Variants in RCOR3 observed in about 807,000 individuals in gnomAD.
RCOR3 encodes the protein REST corepressor 3.
Under a neutral mutation model 64.1 loss-of-function variants are expected in RCOR3, and 13 were observed. The observed-to-expected ratio is 0.20, with a 90% CI of 0.13 to 0.32. The LOEUF (loss-of-function observed/expected upper bound fraction) is 0.32, where lower values mean the gene tolerates loss of function less well. RCOR3 is among the 10% of genes least tolerant of loss of function. The pLI, the probability that RCOR3 is intolerant of heterozygous loss-of-function variation, is 1.00. For synonymous variants in RCOR3, 215 were observed against 239.0 expected, an observed-to-expected ratio of 0.90 and a Z score of 0.93; for missense variants, 489 against 701.2, an observed-to-expected ratio of 0.70 and a Z score of 3.42.
rs575995825 is a variant in RCOR3 at position 211,283,166 on chromosome 1, G to C, written c.720+3850G>C. The stretch of plus-strand genomic sequence containing the variant: ...GTCTGAGAGTTCCTTTGGTACAATA[G>C]TTCTCAGCTAGGTTTAGCACTGACC... On this transcript the variant is annotated intron_variant, in intron 7 of 11. Coordinates refer to ENST00000419091, the MANE Select transcript of RCOR3 (RefSeq NM_001136223.3). Among the ~76,000 whole-genome samples, 490 of 152,316 alleles carry C rather than the reference G, an allele frequency of 3.2e-3. 10 individuals are homozygous for C. Among genetic ancestry groups the C allele is most frequent in the Non-Finnish European group, 4.3e-3 (295 of 68,026 alleles).
intron 2 of RCOR3, among the ~76,000 whole-genome samples, chr1:211,264,956 C>A (rs1039919845): frequency 6.6e-6 from 1 of 152,154 alleles, no homozygotes; most frequent in Non-Finnish European, 1.5e-5. Context: ...TGCCTTTAAT[C>A]TAATATGGCA....
At chr1:211,278,041 A>T in intron 5 of RCOR3, 76 bp from the exon 6 acceptor site, 5 of 1,278,122 alleles carry the variant, frequency 3.9e-6, no homozygotes, top group African/African-American at 1.7e-5. Context: ...CCTTTACTAA[A>T]TAGTAAAGAT....
intron 3 of RCOR3, among the ~76,000 whole-genome samples, chr1:211,273,411 T>C (rs914505421): frequency 1.3e-5 from 2 of 152,198 alleles, no homozygotes; most frequent in African/African-American, 4.8e-5. Context: ...AGAATCAGGA[T>C]TCTTAACCAC....
chr1:211,294,878 C>T (rs1317261109), intron 8 of RCOR3, among the ~76,000 whole-genome samples: 6 of 151,802 alleles, frequency 4.0e-5, no homozygotes, highest in African/African-American at 7.3e-5. Flanking sequence ...CGTGAGCCAC[C>T]GCACCCAGCC....
At chr1:211,269,957 A>C (rs191817131) in intron 2 of RCOR3, among the ~76,000 whole-genome samples, 1 of 152,172 alleles carries the variant, frequency 6.6e-6, no homozygotes, top group Non-Finnish European at 1.5e-5. Flanking sequence ...GCAAGACTTC[A>C]CATGTTTAAA....
In RCOR3 at chr1:211,313,854, A is replaced by G. The variant is rs1558119834; in HGVS notation, c.*86A>G. 1 of 1,228,706 alleles carries G rather than the reference A, an allele frequency of 8.1e-7. No individual in the cohort carries two copies. The highest frequency in any genetic ancestry group is 2.5e-5 in the East Asian group (1 of 40,580). The allele number at this position is 1,228,706 out of a possible 1,614,324, so 76.1% of individuals were successfully genotyped here. On this transcript the variant is annotated 3_prime_UTR_variant, in exon 12 of 12. Coordinates refer to ENST00000419091, the MANE Select transcript of RCOR3 (RefSeq NM_001136223.3). The surrounding 1 kb of genome is among the most constrained non-coding windows in gnomAD (Gnocchi z 4.7). Reference sequence around the variant, plus strand: ...GACTGATGAAAAAGAGGAAAGAATAATCATTTCTAGATACTGAGGCTGCGA... The same window carrying G: ...GACTGATGAAAAAGAGGAAAGAATAGTCATTTCTAGATACTGAGGCTGCGA...
chr1:211,289,836 C>T (rs17188923), intron 8 of RCOR3, among the ~76,000 whole-genome samples: 1,839 of 152,234 alleles, frequency 0.012, 14 homozygotes, highest in Middle Eastern at 0.071. Context: ...GCAGCATCAT[C>T]ATAATCAGAT....
rs1161184178 is a variant in RCOR3 at position 211,313,696 on chromosome 1, G to C, written c.1590G>C (p.Leu530Phe). Residue 530 changes from leucine (L) to phenylalanine (F), a missense_variant, in exon 12 of 12, where the codon TTG becomes TTC. By Grantham distance (22) the Leu-to-Phe change is conservative. Around this residue, in one of 2 missense-constraint regions of RCOR3, gnomAD observed 402 missense variants for 617.0 expected, o/e 0.65. Coordinates refer to ENST00000419091, the MANE Select transcript of RCOR3 (RefSeq NM_001136223.3). This position sits in a 1 kb window ranked among gnomAD's most constrained non-coding sequence, Gnocchi z 4.7. Reference sequence around the variant, plus strand: ...CCCGTCTAAACCCAAGACCGGTGTTGTCCACGGTTGGTGGTCAACAGCCAC... The same window carrying C: ...CCCGTCTAAACCCAAGACCGGTGTTCTCCACGGTTGGTGGTCAACAGCCAC... The part of the protein sequence containing the change: ...MPPRLNPRPV[L>F]STVGGQQPPS... 6.2e-7 allele frequency: 1 copy of C among 1,614,068 alleles called. No homozygotes were observed. The highest frequency in any genetic ancestry group is 1.3e-5 in the African/African-American group (1 of 74,912).
chr1:211,272,723 G>A (rs557074784), intron 3 of RCOR3, among the ~76,000 whole-genome samples: 1 of 137,356 alleles, frequency 7.3e-6, no homozygotes, highest in African/African-American at 2.7e-5. Flanking sequence ...CCGGGTTCAC[G>A]CCATTCTCCT....
chr1:211,313,636 A>G lies in RCOR3; in HGVS notation c.1530A>G (p.Pro510=), dbSNP rs1158762669. 6.2e-7 allele frequency: 1 copy of G among 1,614,102 alleles called. No homozygotes were observed. Among genetic ancestry groups the G allele is most frequent in the African/African-American group, 1.3e-5 (1 of 75,004 alleles). Residue 510 remains proline (P), a synonymous_variant, in exon 12 of 12, where the codon CCA becomes CCG. Coordinates refer to ENST00000419091, the MANE Select transcript of RCOR3 (RefSeq NM_001136223.3). The surrounding 1 kb of genome is among the most constrained non-coding windows in gnomAD (Gnocchi z 4.7). ...CCCGGCCAACTTTAAATCAGCCTCC[A>G]CCACCTCTTATTCGCCCTGCTAATT... The part of the protein sequence containing the change: ...IQPRPTLNQP[P]PPLIRPANSM...
Position 211,283,940 on chromosome 1 carries a change from A to G in RCOR3, c.720+4624A>G, listed in dbSNP as rs1206161629. Among the ~76,000 whole-genome samples, 6 of 151,884 alleles carry G rather than the reference A, an allele frequency of 4.0e-5. No homozygotes were observed. The East Asian group carries it at 1.2e-3, about 29-fold the overall frequency. On this transcript the variant is annotated intron_variant, in intron 7 of 11. Transcript: ENST00000419091. ...ACGAGTCCTTTGGTTAACAGCAAAT[A>G]TCTTTTGCCAGTTTGTGGTTTGTGT...
chr1:211,309,163 C>T (rs1303617146), intron 10 of RCOR3, among the ~76,000 whole-genome samples: 1 of 147,904 alleles, frequency 6.8e-6, no homozygotes, highest in African/African-American at 2.5e-5. Flanking sequence ...CTGAAGTTAC[C>T]ACAATCTTAC....
intron 6 of RCOR3, 85 bp downstream of exon 6, chr1:211,278,326 A>C: frequency 7.2e-7 from 1 of 1,380,814 alleles, no homozygotes; most frequent in Non-Finnish European, 1.0e-6. Context: ...AAGTTATCAC[A>C]ACACATTGTA....
At chr1:211,299,085 T>G (rs1226552521) in intron 9 of RCOR3, among the ~76,000 whole-genome samples, 1 of 152,164 alleles carries the variant, frequency 6.6e-6, no homozygotes, top group African/African-American at 2.4e-5. Context: ...TTTAGTTTCT[T>G]TAGTACAGAA....
At chr1:211,274,586 G>A (rs1696687751) in intron 4 of RCOR3, among the ~76,000 whole-genome samples, 1 of 149,678 alleles carries the variant, frequency 6.7e-6, no homozygotes, top group Non-Finnish European at 1.5e-5. Flanking sequence ...GTAATTTGGA[G>A]TAAGTGTACA....
In RCOR3 at chr1:211,272,381, G is replaced by A. The variant is rs545358045; in HGVS notation, c.301+1072G>A. On this transcript the variant is annotated intron_variant, in intron 3 of 11. Transcript: ENST00000419091. Reference sequence around the variant, plus strand: ...CATTGAATTTTGCTGGCTTAGTTCTGTTTTACACAATGGTTCATTTCTTAG... The same window carrying A: ...CATTGAATTTTGCTGGCTTAGTTCTATTTTACACAATGGTTCATTTCTTAG... Among the ~76,000 whole-genome samples the A allele has an allele frequency of 3.2e-4, 48 of 152,256 alleles. 1 individual carries two copies. Among genetic ancestry groups the A allele is most frequent in the Middle Eastern group, 6.8e-3 (2 of 294 alleles).
At chr1:211,271,709 G>A in intron 3 of RCOR3, 1 of 328,476 alleles carries the variant, frequency 3.0e-6, no homozygotes, top group South Asian at 2.6e-5. Context: ...AAAGGGGAAA[G>A]AACTGACTTC....
At chr1:211,302,557 A>G (rs1700484031) in intron 9 of RCOR3, 1 of 152,236 alleles carries the variant, frequency 6.6e-6, no homozygotes, top group Non-Finnish European at 1.5e-5. Context: ...CAGAAAAGAT[A>G]CGCCAAAAAA....
chr1:211,302,905 T>C (rs1196749018), intron 9 of RCOR3: 3 of 152,222 alleles, frequency 2.0e-5, no homozygotes, highest in Non-Finnish European at 4.4e-5. Flanking sequence ...GGGGAACATA[T>C]GTTTACCTAA....
Sources: gnomAD v4.1 joint callset for allele counts (sites outside exome capture counted in the v4.1 genomes callset) on GRCh38, gnomAD v4.1.1 for gene constraint, gnomAD v4.1.1 regional missense constraint, Gnocchi (gnomAD v3.1) non-coding constraint, MANE v1.5 for transcripts, NCBI Gene and HGNC (gene_info 2026-07-23, HGNC 2026-07-21) for gene names.